TASP1: variants seen among roughly 807,000 people sequenced by gnomAD.
TASP1 encodes the protein threonine aspartase 1.
In TASP1, 16 loss-of-function variants were observed where a neutral mutation model predicts 56.6. The ratio of observed to expected loss-of-function variants is 0.28; its 90% confidence interval spans 0.19 to 0.43. The LOEUF (loss-of-function observed/expected upper bound fraction) is 0.43. Among genes scored for constraint, TASP1 ranks in the 20% least tolerant of loss-of-function variants. TASP1 has a pLI of 1.00. For missense variants in TASP1, 393 were observed against 511.6 expected (o/e 0.77, Z 2.24); for synonymous variants, 179 against 184.2 (o/e 0.97, Z 0.23).
At chr20:13,109,784 C>T in the TASP1 span, among the ~76,000 whole-genome samples, 1 of 152,164 alleles carries the variant, frequency 6.6e-6, no homozygotes, top group Non-Finnish European at 1.5e-5. Flanking sequence ...CAGCCTGCAA[C>T]AAAGCTTAGA....
chr20:13,536,789 T>G lies in TASP1; in HGVS notation c.676-2648A>C, dbSNP rs188716864. ...TTGTGACTTTCATCCTATTTCACTG[T>G]CTAACCTTTGAGGGAGGGTTATGTC... is the stretch of plus-strand genomic sequence containing the variant. On this transcript the variant is annotated intron_variant, in intron 8 of 13. Coordinates refer to ENST00000337743, the MANE Select transcript of TASP1 (RefSeq NM_017714.3). Among the ~76,000 whole-genome samples the G allele has an allele frequency of 1.5e-3, 222 of 152,232 alleles. 1 individual carries two copies. The highest frequency in any genetic ancestry group is 4.8e-3 in the African/African-American group (198 of 41,574).
chr20:13,502,721 C>T (rs2043990580), intron 10 of TASP1, among the ~76,000 whole-genome samples: 1 of 152,016 alleles, frequency 6.6e-6, no homozygotes, highest in South Asian at 2.1e-4. Flanking sequence ...GTGACATAAG[C>T]AAGATGGTGG....
the TASP1 span, chr20:13,117,798 A>G: frequency 4.1e-5 from 56 of 1,378,648 alleles, no homozygotes; most frequent in Non-Finnish European, 3.4e-5. Context: ...GCTTCTCTGA[A>G]TTTCATGAAA....
At chr20:13,198,090 T>C in the TASP1 span, among the ~76,000 whole-genome samples, 3 of 152,282 alleles carry the variant, frequency 2.0e-5, no homozygotes, top group South Asian at 6.2e-4. Flanking sequence ...CCTGTAAAAT[T>C]TTAGCCTAAT....
At chr20:13,393,465 G>T in intron 13 of TASP1, 1 of 792,006 alleles carries the variant, frequency 1.3e-6, no homozygotes. Flanking sequence ...GGTGAAGCAG[G>T]TGTCAGAGGG....
At chr20:13,592,961 C>T (rs34970733) in intron 4 of TASP1, among the ~76,000 whole-genome samples, 4,217 of 152,064 alleles carry the variant, frequency 0.028, 85 homozygotes, top group Non-Finnish European at 0.042. Flanking sequence ...TACATTATAG[C>T]CAAGTGAAAT....
At chr20:13,466,472 C>T (rs531631601) in intron 11 of TASP1, among the ~76,000 whole-genome samples, 1 of 152,092 alleles carries the variant, frequency 6.6e-6, no homozygotes, top group South Asian at 2.1e-4. Flanking sequence ...TCTGGCTGGG[C>T]GTGGTGGCTT....
At chr20:13,263,239 G>A in the TASP1 span, among the ~76,000 whole-genome samples, 2 of 152,158 alleles carry the variant, frequency 1.3e-5, no homozygotes, top group African/African-American at 4.8e-5. Flanking sequence ...GCAGCAGCTG[G>A]TCAGCCTTGT....
the TASP1 span, among the ~76,000 whole-genome samples, chr20:13,123,329 TAA>T: frequency 7.0e-6 from 1 of 143,700 alleles, no homozygotes. Context: ...AGACTCTGTC[TAA>T]AAAAAAAAAA....
rs189641203 is a variant in TASP1 at position 13,484,412 on chromosome 20, G to A, written c.875-1075C>T. On this transcript the variant is annotated intron_variant, in intron 10 of 13. Coordinates refer to ENST00000337743, the MANE Select transcript of TASP1 (RefSeq NM_017714.3). ...GCAAAGACTTGGAACCAACCCAAAC[G>A]TCCATCAATGACAGACTGGATAAAG... Among the ~76,000 whole-genome samples the A allele has an allele frequency of 2.2e-4, 34 of 152,214 alleles. No homozygotes were observed. In the East Asian group the frequency reaches 6.0e-3, roughly 27 times the overall value.
At chr20:13,385,276 G>A (rs1420448494), downstream of TASP1, among the ~76,000 whole-genome samples, 1 of 152,192 alleles carries the variant, frequency 6.6e-6, no homozygotes, top group Non-Finnish European at 1.5e-5. Flanking sequence ...TTTCCTTGAA[G>A]GCATCCACCA....
intron 10 of TASP1, 103 bp downstream of exon 10, chr20:13,528,330 T>C: frequency 3.3e-6 from 3 of 903,366 alleles, no homozygotes; most frequent in South Asian, 2.1e-5. Flanking sequence ...ATCCATACAC[T>C]GTCATAGCAC....
the TASP1 span, among the ~76,000 whole-genome samples, chr20:13,140,495 A>G: frequency 6.6e-6 from 1 of 152,198 alleles, no homozygotes; most frequent in Non-Finnish European, 1.5e-5. Flanking sequence ...GAGACTTCCT[A>G]TCAGGATGGA....
At chr20:13,166,044 G>GA in the TASP1 span, 1 of 152,584 alleles carries the variant, frequency 6.6e-6, no homozygotes, top group Non-Finnish European at 1.5e-5. Flanking sequence ...AGTTTGTATG[G>GA]AAAAAGCCCA....
intron 10 of TASP1, among the ~76,000 whole-genome samples, chr20:13,495,455 C>G (rs892466730): frequency 2.6e-5 from 4 of 152,220 alleles, no homozygotes; most frequent in East Asian, 1.9e-4. Context: ...GGGAAAGACA[C>G]ACTGCTCTGA....
intron 2 of TASP1, among the ~76,000 whole-genome samples, chr20:13,628,097 AGGT>A (rs2048961734): frequency 6.6e-6 from 1 of 152,192 alleles, no homozygotes; most frequent in Non-Finnish European, 1.5e-5. Context: ...AGTGTTTCCC[AGGT>A]GGACATCCTC....
At chr20:13,378,113 C>T in the TASP1 span, among the ~76,000 whole-genome samples, 3 of 152,098 alleles carry the variant, frequency 2.0e-5, no homozygotes, top group Non-Finnish European at 2.9e-5. Flanking sequence ...TTTTCTTCTG[C>T]TAACTTTGAA....
intron 6 of TASP1, among the ~76,000 whole-genome samples, chr20:13,575,955 T>C (rs946583927): frequency 2.0e-5 from 3 of 152,052 alleles, no homozygotes; most frequent in African/African-American, 4.8e-5. Flanking sequence ...CTCACATCTG[T>C]AATCCCAGCA....
chr20:13,221,196 C>T, the TASP1 span, among the ~76,000 whole-genome samples: 1 of 144,470 alleles, frequency 6.9e-6, no homozygotes, highest in Admixed American at 7.1e-5. Context: ...GAGGTAACTC[C>T]CGGCCGCAGC....
Sources: gnomAD v4.1 joint callset for allele counts (sites outside exome capture counted in the v4.1 genomes callset) on GRCh38, gnomAD v4.1.1 for gene constraint, MANE v1.5 for transcripts, NCBI Gene and HGNC (gene_info 2026-07-23, HGNC 2026-07-21) for gene names.